The following SEMA6D variants were observed in gnomAD, a reference collection of about 807,000 sequenced individuals.
SEMA6D encodes semaphorin 6D.
In SEMA6D, 35 loss-of-function variants were observed where a neutral mutation model predicts 106.6. The observed-to-expected ratio is 0.33, with a 90% confidence interval of 0.25 to 0.44. The LOEUF (loss-of-function observed/expected upper bound fraction) is 0.44. Ranked by LOEUF, SEMA6D falls within the 20% of genes least tolerant of loss-of-function variation. The pLI, the probability that SEMA6D is intolerant of heterozygous loss-of-function variation, is 1.00. For missense variants in SEMA6D, 1,185 were observed against 1,345.9 expected, an observed-to-expected ratio of 0.88 and a Z score of 1.87; for synonymous variants, 499 against 487.7, an observed-to-expected ratio of 1.02 and a Z score of -0.31.
At chr15:47,720,961 G>A (rs936711590) in intron 1 of SEMA6D, among the ~76,000 whole-genome samples, 4 of 152,148 alleles carry the variant, frequency 2.6e-5, no homozygotes, top group East Asian at 1.9e-4. Context: ...ATAAAATATT[G>A]TCTTTTATTT....
chr15:47,351,760 G>A (rs1247349534), intron 1 of SEMA6D, among the ~76,000 whole-genome samples: 2 of 152,146 alleles, frequency 1.3e-5, no homozygotes, highest in African/African-American at 4.8e-5. Flanking sequence ...ACTCAAATCA[G>A]TGCCTCACAC....
At chr15:47,749,683 C>T (rs938237955) in intron 1 of SEMA6D, among the ~76,000 whole-genome samples, 4 of 152,004 alleles carry the variant, frequency 2.6e-5, no homozygotes, top group African/African-American at 4.8e-5. Flanking sequence ...CTATATTTTA[C>T]GAAGGTCAAA....
At chr15:47,677,041 G>C (rs1290319977) in intron 4 of SEMA6D, among the ~76,000 whole-genome samples, 1 of 152,046 alleles carries the variant, frequency 6.6e-6, no homozygotes, top group Non-Finnish European at 1.5e-5. Flanking sequence ...TTCACAATAG[G>C]GTTTGCACTC....
chr15:47,440,721 G>C (rs894488018), intron 2 of SEMA6D, among the ~76,000 whole-genome samples: 14 of 152,128 alleles, frequency 9.2e-5, no homozygotes, highest in African/African-American at 3.4e-4. Flanking sequence ...ACAGAATAGA[G>C]GATTTTGTGT....
chr15:47,594,962 AG>A (rs2076507584), intron 3 of SEMA6D, among the ~76,000 whole-genome samples: 1 of 152,100 alleles, frequency 6.6e-6, no homozygotes, highest in African/African-American at 2.4e-5. Context: ...TAAGGCATGG[AG>A]GCTGAAGTGG....
chr15:47,332,862 G>A (rs1309172545), intron 1 of SEMA6D, among the ~76,000 whole-genome samples: 2 of 152,070 alleles, frequency 1.3e-5, no homozygotes, highest in Admixed American at 1.3e-4. Context: ...ACAATATAGT[G>A]CCCTAAACAT....
chr15:47,458,745 T>C (rs1215869977), intron 2 of SEMA6D, among the ~76,000 whole-genome samples: 1 of 151,876 alleles, frequency 6.6e-6, no homozygotes, highest in Non-Finnish European at 1.5e-5. Context: ...ACTAAACACC[T>C]TTTTTTAGGA....
intron 1 of SEMA6D, among the ~76,000 whole-genome samples, chr15:47,225,800 G>T (rs1340446747): frequency 6.6e-6 from 1 of 151,982 alleles, no homozygotes; most frequent in African/African-American, 2.4e-5. Context: ...AAAGTGCTGG[G>T]ATTACAGGCG....
At chr15:47,553,006 G>A (rs540476296) in intron 3 of SEMA6D, among the ~76,000 whole-genome samples, 3 of 146,480 alleles carry the variant, frequency 2.0e-5, no homozygotes, top group South Asian at 4.3e-4. Context: ...ATGGGTTCAA[G>A]CGATTCTCCT....
intron 1 of SEMA6D, among the ~76,000 whole-genome samples, chr15:47,335,065 G>A (rs1446997986): frequency 6.6e-6 from 1 of 152,120 alleles, no homozygotes; most frequent in East Asian, 1.9e-4. Flanking sequence ...TTATGTCAAG[G>A]CAACAGAAAG....
At chr15:47,517,087 C>T (rs556509661) in intron 3 of SEMA6D, among the ~76,000 whole-genome samples, 8 of 152,192 alleles carry the variant, frequency 5.3e-5, no homozygotes, top group Admixed American at 4.6e-4. Context: ...AGTAATACCT[C>T]GGACAGTAGT....
At chr15:47,734,690 A>G (rs984729708) in intron 1 of SEMA6D, among the ~76,000 whole-genome samples, 8 of 152,208 alleles carry the variant, frequency 5.3e-5, no homozygotes, top group African/African-American at 1.9e-4. Context: ...CTCCAAGAAC[A>G]TGGCTGGTAA....
chr15:47,362,395 T>A (rs1424410811), intron 1 of SEMA6D, among the ~76,000 whole-genome samples: 3 of 152,104 alleles, frequency 2.0e-5, no homozygotes, highest in African/African-American at 7.2e-5. Context: ...GGCAGGAAAA[T>A]CTTTTTTCAT....
intron 1 of SEMA6D, among the ~76,000 whole-genome samples, chr15:47,341,581 A>G (rs1275851095): frequency 1.3e-5 from 2 of 152,210 alleles, no homozygotes; most frequent in Non-Finnish European, 2.9e-5. Flanking sequence ...AGGGATAATT[A>G]TAATTCTCTG....
intron 3 of SEMA6D, among the ~76,000 whole-genome samples, chr15:47,582,502 G>A (rs2076271732): frequency 6.6e-6 from 1 of 152,192 alleles, no homozygotes; most frequent in Admixed American, 6.5e-5. Context: ...TCTACACTAA[G>A]CAAAAGAGGC....
intron 4 of SEMA6D, among the ~76,000 whole-genome samples, chr15:47,687,320 G>A (rs925634426): frequency 1.3e-5 from 2 of 152,132 alleles, no homozygotes; most frequent in Non-Finnish European, 2.9e-5. Context: ...AACAGGGAAG[G>A]CAGATCTTTA....
Position 47,429,109 on chromosome 15 carries a change from G to T in SEMA6D, c.-159+16637G>T, listed in dbSNP as rs371672353. 5.9e-5 allele frequency among the ~76,000 whole-genome samples: 9 copies of T among 152,104 alleles called. No homozygotes were observed. In the East Asian group the frequency reaches 9.7e-4, roughly 16 times the overall value. On this transcript the variant is annotated intron_variant, in intron 2 of 19. Coordinates refer to the SEMA6D transcript ENST00000558014. The stretch of plus-strand genomic sequence containing the variant: ...CACAGCAAGTACTAGTGAGTGTAAG[G>T]CTTCCTGAGAAGAGAGGTGTGTGAG...
chr15:47,185,049 C>T lies in SEMA6D; in HGVS notation c.-239+631C>T, dbSNP rs1337060175. On this transcript the variant is annotated intron_variant, in intron 1 of 19. Transcript: ENST00000558014. ...GCCCCGAAGCCCGGAGCGTCCCGCG[C>T]TAGCGGGCTTGCGCGCGGCCGGCGA... Among the ~76,000 whole-genome samples, 3 of 152,212 alleles carry T rather than the reference C, an allele frequency of 2.0e-5. No homozygotes were observed. In the South Asian group the frequency reaches 6.2e-4, roughly 32 times the overall value.
At chr15:47,345,131 A>G (rs1008745003) in intron 1 of SEMA6D, among the ~76,000 whole-genome samples, 7 of 152,218 alleles carry the variant, frequency 4.6e-5, no homozygotes, top group African/African-American at 1.7e-4. Flanking sequence ...CTATTTATTA[A>G]GATATCAATT....
Sources: allele counts gnomAD v4.1 joint callset (sites outside exome capture counted in the v4.1 genomes callset), GRCh38; gene constraint gnomAD v4.1.1; transcripts MANE v1.5; gene names NCBI Gene and HGNC (gene_info 2026-07-23, HGNC 2026-07-21).